NIBAN1: variants seen among roughly 807,000 people sequenced by gnomAD.
The protein encoded by NIBAN1 is niban apoptosis regulator 1, also known as protein Niban 1.
In NIBAN1, 81 loss-of-function variants were observed where a neutral mutation model predicts 75.1. That is an observed-to-expected ratio of 1.08 (90% CI 0.90 to 1.30). The LOEUF is 1.30. Among genes scored for constraint, NIBAN1 ranks in the 50% most tolerant of loss-of-function variants. NIBAN1 has a pLI of 0.00. For missense variants in NIBAN1, 1,133 were observed against 1,128.1 expected (o/e 1.00, Z -0.06); for synonymous variants, 436 against 424.8 (o/e 1.03, Z -0.32).
chr1:184,890,102 A>G lies in NIBAN1; in HGVS notation c.433+6T>C, dbSNP rs754064469. The G allele has an allele frequency of 1.1e-5, 17 of 1,604,990 alleles. No homozygotes were observed. The East Asian group carries it at 2.9e-4, about 27-fold the overall frequency. On this transcript the variant is annotated splice_donor_region_variant and intron_variant, in intron 4 of 13. Transcript: ENST00000367511. ...TTGCCTTGGAAAAGAATGATCAGCA[A>G]CTCACCAAGAGGGTCTGGGAAATGC... is the stretch of plus-strand genomic sequence containing the variant.
chr1:184,813,022 G>A lies in NIBAN1; in HGVS notation c.1174-4787C>T, dbSNP rs532873062. On this transcript the variant is annotated intron_variant, in intron 9 of 13. Coordinates refer to ENST00000367511, the MANE Select transcript of NIBAN1 (RefSeq NM_052966.4). ...AATTTTAAAAATACTTTATTAAAGA[G>A]TGCTATGATTAAAAGTCCACTTAAT... 1.3e-4 allele frequency among the ~76,000 whole-genome samples: 20 copies of A among 152,316 alleles called. No individual in the cohort carries two copies. The South Asian group carries it at 3.5e-3, about 27-fold the overall frequency.
intron 5 of NIBAN1, among the ~76,000 whole-genome samples, chr1:184,875,902 G>A (rs956263651): frequency 5.9e-5 from 9 of 152,134 alleles, no homozygotes; most frequent in Non-Finnish European, 1.2e-4. Context: ...GGCCAGGCAC[G>A]ATGGCTCATG....
At chr1:184,927,508 G>A (rs1211785562) in intron 1 of NIBAN1, among the ~76,000 whole-genome samples, 1 of 152,112 alleles carries the variant, frequency 6.6e-6, no homozygotes, top group African/African-American at 2.4e-5. Context: ...AACAAATGGA[G>A]TCTCTTTCTC....
chr1:184,903,247 T>C (rs1484622739), intron 1 of NIBAN1, among the ~76,000 whole-genome samples: 1 of 152,206 alleles, frequency 6.6e-6, no homozygotes, highest in East Asian at 1.9e-4. Flanking sequence ...TTGGCACAGG[T>C]ATGTATCTCT....
At chr1:184,955,307 T>TTTCCTTTCCTTTCCTTTCC (rs1658455390) in intron 1 of NIBAN1, among the ~76,000 whole-genome samples, 2 of 94,556 alleles carry the variant, frequency 2.1e-5, no homozygotes, top group Non-Finnish European at 4.3e-5. Flanking sequence ...TTTTCTTTTC[T>TTTCCTTTCCTTTCCTTTCC]TTTCCTTTCC....
At chr1:184,945,761 C>T (rs930288190) in intron 1 of NIBAN1, among the ~76,000 whole-genome samples, 1 of 152,054 alleles carries the variant, frequency 6.6e-6, no homozygotes, top group Non-Finnish European at 1.5e-5. Context: ...GATAGAGAGT[C>T]GCTGAAAATA....
chr1:184,947,461 T>C (rs1658259288), intron 1 of NIBAN1, among the ~76,000 whole-genome samples: 1 of 152,220 alleles, frequency 6.6e-6, no homozygotes, highest in African/African-American at 2.4e-5. Flanking sequence ...TGGGAGTAGA[T>C]AGTGGTGACG....
rs1468545055 is a variant in NIBAN1 at position 184,899,318 on chromosome 1, A to G, written c.56-9T>C. Reference sequence around the variant, plus strand: ...GGCAGCCTCAGTTTTCCCTAGAAAAATATGAAAATTAGAATTCTTAAGTAT... The same window carrying G: ...GGCAGCCTCAGTTTTCCCTAGAAAAGTATGAAAATTAGAATTCTTAAGTAT... On this transcript the variant is annotated splice_polypyrimidine_tract_variant and intron_variant, in intron 1 of 13. Transcript: ENST00000367511. 6.2e-7 allele frequency: 1 copy of G among 1,613,450 alleles called. No homozygotes were observed. Among genetic ancestry groups the G allele is most frequent in the Non-Finnish European group, 8.5e-7 (1 of 1,179,618 alleles).
intron 5 of NIBAN1, among the ~76,000 whole-genome samples, chr1:184,843,021 C>A (rs974919846): frequency 1.3e-5 from 2 of 152,210 alleles, no homozygotes; most frequent in African/African-American, 4.8e-5. Flanking sequence ...ACTCTGTCAA[C>A]TGCTCACCCA....
At chr1:184,887,134 C>CGGGGA (rs1335667068) in intron 4 of NIBAN1, among the ~76,000 whole-genome samples, 1 of 151,960 alleles carries the variant, frequency 6.6e-6, no homozygotes, top group Non-Finnish European at 1.5e-5. Flanking sequence ...ATCAATCAGT[C>CGGGGA]AATCAATCAA....
intron 1 of NIBAN1, among the ~76,000 whole-genome samples, chr1:184,926,518 A>G (rs1238859749): frequency 6.6e-6 from 1 of 152,140 alleles, no homozygotes; most frequent in African/African-American, 2.4e-5. Flanking sequence ...GATTACAGAC[A>G]TGAGCCACCA....
At chr1:184,810,808 C>T (rs1466274167) in intron 9 of NIBAN1, among the ~76,000 whole-genome samples, 1 of 152,196 alleles carries the variant, frequency 6.6e-6, no homozygotes, top group Non-Finnish European at 1.5e-5. Context: ...TCATTCATTG[C>T]TCAGGTAAAC....
Position 184,795,180 on chromosome 1 carries a change from G to C in NIBAN1, c.2584C>G (p.Gln862Glu), listed in dbSNP as rs570967888. The change falls in exon 14 of 14, where the codon CAA becomes GAA. Residue 862 changes from glutamine (Q) to glutamate (E), a missense_variant. Transcript: ENST00000367511. ...CTGCTTTGCCCTCCCATCTCTTCTT[G>C]TTCCTCAGAAACCTGGCTCTCACTG... ...CLSESQVSEE[Q>E]EEMGGQSSAA... 3 of 1,614,048 alleles carry C rather than the reference G, an allele frequency of 1.9e-6. No individual in the cohort carries two copies. The African/African-American group carries it at 4.0e-5, about 22-fold the overall frequency.
intron 1 of NIBAN1, among the ~76,000 whole-genome samples, chr1:184,927,953 G>T (rs1010005975): frequency 7.2e-5 from 11 of 151,764 alleles, no homozygotes; most frequent in African/African-American, 1.7e-4. Flanking sequence ...GAATGTACTG[G>T]GTCTCACCTG....
chr1:184,817,164 G>A (rs1196148213), intron 9 of NIBAN1, among the ~76,000 whole-genome samples: 1 of 152,112 alleles, frequency 6.6e-6, no homozygotes, highest in African/African-American at 2.4e-5. Flanking sequence ...TGAAAATGAT[G>A]GTTTCCAGCT....
At chr1:184,919,880 G>A (rs10489584) in intron 1 of NIBAN1, among the ~76,000 whole-genome samples, 1,639 of 151,166 alleles carry the variant, frequency 0.011, 17 homozygotes, top group African/African-American at 0.02. Flanking sequence ...GCAATCAAAA[G>A]TACCTTCAAG....
At chr1:184,860,562 A>G (rs1655790843) in intron 5 of NIBAN1, among the ~76,000 whole-genome samples, 1 of 152,202 alleles carries the variant, frequency 6.6e-6, no homozygotes, top group East Asian at 1.9e-4. Flanking sequence ...CTAACAGTGT[A>G]TATATATTAA....
intron 1 of NIBAN1, among the ~76,000 whole-genome samples, chr1:184,944,826 G>A (rs7537119): frequency 0.37 from 56,090 of 152,046 alleles, 10,766 homozygotes; most frequent in Non-Finnish European, 0.41. Flanking sequence ...GGGAACTTGA[G>A]AATAAGGTGG....
rs571128152 is a variant in NIBAN1, at chr1:184,827,962, T to G, written c.717+3885A>C. The stretch of plus-strand genomic sequence containing the variant: ...AAATGCGGGTAGTTTTGTTTTTTGT[T>G]TTTTTTTTTTTTTTCCGTCTTGAAA... On this transcript the variant is annotated intron_variant, in intron 6 of 13. Transcript: ENST00000367511. 4.0e-3 allele frequency among the ~76,000 whole-genome samples: 596 copies of G among 149,738 alleles called. 8 individuals are homozygous for G. Among genetic ancestry groups the G allele is most frequent in the South Asian group, 3.2e-3 (15 of 4,728 alleles).
Sources: allele counts gnomAD v4.1 joint callset (sites outside exome capture counted in the v4.1 genomes callset), GRCh38; gene constraint gnomAD v4.1.1; transcripts MANE v1.5; gene names NCBI Gene and HGNC (gene_info 2026-07-23, HGNC 2026-07-21).